The following PIP5K1C variants were observed in gnomAD, a reference collection of about 807,000 sequenced individuals.
PIP5K1C encodes the protein phosphatidylinositol 4-phosphate 5-kinase type-1 gamma.
In PIP5K1C, 45 loss-of-function variants were observed where a neutral mutation model predicts 80.1. The observed-to-expected ratio is 0.56, with a 90% CI of 0.44 to 0.72. The LOEUF is 0.72. Ranked by LOEUF, PIP5K1C falls within the 30% of genes least tolerant of loss-of-function variation. The pLI is 0.00. For synonymous variants in PIP5K1C, 498 were observed against 420.1 expected, an observed-to-expected ratio of 1.19 and a Z score of -2.27; for missense variants, 753 against 954.6, an observed-to-expected ratio of 0.79 and a Z score of 2.78.
intron 1 of PIP5K1C, among the ~76,000 whole-genome samples, chr19:3,694,075 A>G (rs2036028386): frequency 6.6e-6 from 1 of 151,876 alleles, no homozygotes. Flanking sequence ...AGCCGGGCGT[A>G]GTGGCGGACG....
At chr19:3,686,731 TAAATA>T (rs536772980) in intron 1 of PIP5K1C, among the ~76,000 whole-genome samples, 2,801 of 149,308 alleles carry the variant, frequency 0.019, 94 homozygotes, top group African/African-American at 0.063. Context: ...AATAAATAAA[TAAATA>T]AAATAAAATA....
intron 1 of PIP5K1C, among the ~76,000 whole-genome samples, chr19:3,685,599 G>A (rs1051399596): frequency 5.9e-5 from 9 of 152,000 alleles, no homozygotes; most frequent in South Asian, 2.1e-4. Context: ...GTGTGGTGGC[G>A]GGCGCCTGTA....
At chr19:3,679,829 C>T (rs540308550) in intron 1 of PIP5K1C, among the ~76,000 whole-genome samples, 3 of 152,324 alleles carry the variant, frequency 2.0e-5, no homozygotes, top group African/African-American at 4.8e-5. Context: ...TGACGTGCTG[C>T]GCTGGGCACG....
At chr19:3,655,235 G>A (rs999625166) in intron 6 of PIP5K1C, among the ~76,000 whole-genome samples, 5 of 151,552 alleles carry the variant, frequency 3.3e-5, no homozygotes, top group Admixed American at 6.6e-5. Flanking sequence ...TGGCTAACAC[G>A]GTGAAACCAT....
rs143869652 is a variant in PIP5K1C at position 3,644,193 on chromosome 19, C to A, written c.1404G>T (p.Pro468=). The A allele has an allele frequency of 1.4e-5, 22 of 1,612,240 alleles. No individual in the cohort carries two copies. In the South Asian group the frequency reaches 2.2e-4, roughly 16 times the overall value. ...CCGAGAAGGCAGCGGTGGGCCCCAG[C>A]GGTTTCACAGCTAGCAAGGCTCCGC... The part of the protein sequence containing the change: ...GRGGALLAVK[P]LGPTAAFSAS... Residue 468 remains proline (P), a synonymous_variant, in exon 12 of 18, where the codon CCG becomes CCT. Coordinates refer to ENST00000335312, the MANE Select transcript of PIP5K1C (RefSeq NM_012398.3).
At chr19:3,664,710 G>A in intron 3 of PIP5K1C, 112 bp downstream of exon 3, 2 of 924,932 alleles carry the variant, frequency 2.2e-6, no homozygotes, top group Middle Eastern at 3.1e-4. Context: ...CTGTCCCTGG[G>A]CAGACCCTGG....
chr19:3,671,099 G>A (rs949276605), intron 1 of PIP5K1C, among the ~76,000 whole-genome samples: 3 of 152,204 alleles, frequency 2.0e-5, no homozygotes, highest in African/African-American at 7.2e-5. Flanking sequence ...GTGGGCCGGG[G>A]CGGGACGTTC....
chr19:3,651,991 A>C lies in PIP5K1C; in HGVS notation c.962T>G (p.Leu321Arg), dbSNP rs1242308534. The C allele has an allele frequency of 1.2e-6, 2 of 1,613,198 alleles. No individual in the cohort carries two copies. The highest frequency in any genetic ancestry group is 1.7e-6 in the Non-Finnish European group (2 of 1,179,990). ...SFKIMDYSLL[L>R]GVHNIDQHER... ...GTGCTGGTCGATGTTGTGCACGCCC[A>C]GCAGCAGGCTGTAGTCCATGATCTT... Residue 321 changes from leucine (L) to arginine (R), a missense_variant, in exon 8 of 18, where the codon CTG becomes CGG. Leu to Arg is a moderately radical substitution (Grantham distance 102). Transcript: ENST00000335312.
intron 5 of PIP5K1C, 49 bp from the exon 6 acceptor site, chr19:3,656,606 A>C (rs1352855142): frequency 6.2e-7 from 1 of 1,603,098 alleles, no homozygotes; most frequent in African/African-American, 1.3e-5. Context: ...CCGGACACAC[A>C]GACAGCACTG....
At chr19:3,664,445 C>T (rs1405833708) in intron 3 of PIP5K1C, among the ~76,000 whole-genome samples, 3 of 152,188 alleles carry the variant, frequency 2.0e-5, no homozygotes, top group Non-Finnish European at 2.9e-5. Context: ...GGCTTCCTAC[C>T]AACACGGTGT....
intron 15 of PIP5K1C, among the ~76,000 whole-genome samples, 189 bp downstream of exon 15, chr19:3,641,516 G>T: frequency 6.6e-6 from 1 of 152,110 alleles, no homozygotes; most frequent in Admixed American, 6.5e-5. Context: ...GTCCCCTGGG[G>T]GCTAGGATCA....
At chr19:3,643,142 C>T (rs1400083161) in intron 13 of PIP5K1C, 101 bp downstream of exon 13, 34 of 1,571,144 alleles carry the variant, frequency 2.2e-5, no homozygotes, top group Non-Finnish European at 2.9e-5. Context: ...TACGATGCTC[C>T]ACCCACATGC....
chr19:3,665,578 G>A lies in PIP5K1C; in HGVS notation c.127-664C>T, dbSNP rs141258369. On this transcript the variant is annotated intron_variant, in intron 2 of 17. Coordinates refer to ENST00000335312, the MANE Select transcript of PIP5K1C (RefSeq NM_012398.3). ...ACCGCCTGAGGTGGTGGTGGGAGTC[G>A]TAACTCCTCTCCCTCACCAGGGCCC... 3.6e-4 allele frequency among the ~76,000 whole-genome samples: 55 copies of A among 152,180 alleles called. 1 individual carries two copies. Among genetic ancestry groups the A allele is most frequent in the East Asian group, 1.2e-3 (6 of 5,158 alleles).
chr19:3,670,403 G>C (rs2035168685), intron 1 of PIP5K1C, among the ~76,000 whole-genome samples: 1 of 152,190 alleles, frequency 6.6e-6, no homozygotes, highest in Non-Finnish European at 1.5e-5. Flanking sequence ...ATGCCGTGTG[G>C]GGTGGAGGCG....
rs1390678024 is a variant in PIP5K1C at position 3,696,486 on chromosome 19, A to G, written c.94+3811T>C. Among the ~76,000 whole-genome samples the G allele has an allele frequency of 6.6e-6, 1 of 150,850 alleles. No homozygotes were observed. The highest frequency in any genetic ancestry group is 1.5e-5 in the Non-Finnish European group (1 of 67,718). On this transcript the variant is annotated intron_variant, in intron 1 of 17. Transcript: ENST00000335312. This position sits in a 1 kb window ranked among gnomAD's most constrained non-coding sequence, Gnocchi z 4.1. The stretch of plus-strand genomic sequence containing the variant: ...GAACCGGGAGGGCAGGGGACGGAGA[A>G]GGGGAGACCGCTGTGTGGTGACAGC...
chr19:3,642,399 G>A (rs1396396924), intron 14 of PIP5K1C, among the ~76,000 whole-genome samples: 1 of 152,272 alleles, frequency 6.6e-6, no homozygotes, highest in Non-Finnish European at 1.5e-5. Flanking sequence ...ACGCAGGCGT[G>A]ACAGGAACGG....
At chr19:3,646,101 T>C (rs1568319100) in intron 10 of PIP5K1C, 43 bp from the exon 11 acceptor site, 1 of 1,239,152 alleles carries the variant, frequency 8.1e-7, no homozygotes, top group Non-Finnish European at 1.2e-6. Context: ...AGAGGGTGCA[T>C]CAATCAACAG....
chr19:3,656,346 C>A, intron 6 of PIP5K1C, 59 bp downstream of exon 6: 1 of 1,593,268 alleles, frequency 6.3e-7, no homozygotes. Context: ...TCTGCTCCCG[C>A]CAGCCGGGAG....
chr19:3,680,161 T>C (rs2145571515), intron 1 of PIP5K1C, among the ~76,000 whole-genome samples: 2 of 152,292 alleles, frequency 1.3e-5, no homozygotes, highest in African/African-American at 2.4e-5. Flanking sequence ...GCGTGGTGAA[T>C]GGTGTCAGGT....
Sources: gnomAD v4.1 joint callset for allele counts (sites outside exome capture counted in the v4.1 genomes callset) on GRCh38, gnomAD v4.1.1 for gene constraint, Gnocchi (gnomAD v3.1) non-coding constraint, MANE v1.5 for transcripts, NCBI Gene and HGNC (gene_info 2026-07-23, HGNC 2026-07-21) for gene names.